CCDC7: variants seen among roughly 807,000 people sequenced by gnomAD.
CCDC7 encodes coiled-coil domain-containing protein 7.
A neutral mutation model predicts 196.9 loss-of-function variants in CCDC7; 183 were observed. The observed-to-expected ratio is 0.93, with a 90% CI of 0.82 to 1.05. The LOEUF is 1.05. CCDC7 is among the 50% of genes least tolerant of loss of function. The pLI, the probability that CCDC7 is intolerant of heterozygous loss-of-function variation, is 0.00. For missense variants in CCDC7, 1,540 were observed against 1,482.2 expected, an observed-to-expected ratio of 1.04 and a Z score of -0.64; for synonymous variants, 525 against 484.6, an observed-to-expected ratio of 1.08 and a Z score of -1.10.
chr10:32,785,753 T>C (rs1379605077), intron 29 of CCDC7, among the ~76,000 whole-genome samples: 1 of 152,188 alleles, frequency 6.6e-6, no homozygotes, highest in Non-Finnish European at 1.5e-5. Context: ...AGGTGGCATT[T>C]GTAGTGGCAT....
intron 28 of CCDC7, among the ~76,000 whole-genome samples, chr10:32,763,946 C>G (rs752525076): frequency 2.6e-5 from 4 of 151,628 alleles, no homozygotes; most frequent in Admixed American, 6.6e-5. Context: ...TTGAAAATTG[C>G]TAAGAGAGTA....
intron 28 of CCDC7, among the ~76,000 whole-genome samples, chr10:32,745,123 A>G (rs1009433838): frequency 6.6e-6 from 1 of 152,150 alleles, no homozygotes; most frequent in African/African-American, 2.4e-5. Context: ...AAATTGGTTG[A>G]CCATATTTGT....
intron 18 of CCDC7, among the ~76,000 whole-genome samples, chr10:32,610,688 CTG>C (rs993966005): frequency 1.1e-3 from 172 of 152,176 alleles, no homozygotes; most frequent in African/African-American, 4.0e-3. Flanking sequence ...TTTTCTGTTC[CTG>C]TGTTAGGTTG....
At chr10:32,875,276 T>A (rs1467092833) in intron 41 of CCDC7, among the ~76,000 whole-genome samples, 2 of 152,192 alleles carry the variant, frequency 1.3e-5, no homozygotes, top group African/African-American at 4.8e-5. Context: ...GATTTTACAT[T>A]TAAGTCTTTA....
intron 20 of CCDC7, among the ~76,000 whole-genome samples, chr10:32,651,202 A>G (rs2068695538): frequency 6.6e-6 from 1 of 152,114 alleles, no homozygotes; most frequent in Non-Finnish European, 1.5e-5. Flanking sequence ...AGGATCTCAG[A>G]GGTTTGCAGT....
intron 13 of CCDC7, among the ~76,000 whole-genome samples, chr10:32,556,773 A>T (rs187834371): frequency 6.6e-6 from 1 of 152,342 alleles, no homozygotes; most frequent in Non-Finnish European, 1.5e-5. Context: ...ATCCTAATTT[A>T]GGGTTCTAAT....
At chr10:32,808,049 C>T (rs1020619988) in intron 30 of CCDC7, among the ~76,000 whole-genome samples, 5 of 152,094 alleles carry the variant, frequency 3.3e-5, no homozygotes, top group Admixed American at 6.5e-5. Context: ...TCCTACCCAG[C>T]GGCAGGACCA....
intron 31 of CCDC7, 73 bp downstream of exon 32, chr10:32,814,526 T>A: frequency 9.3e-6 from 10 of 1,070,780 alleles, no homozygotes; most frequent in South Asian, 3.9e-5. Context: ...TAAGTGTGCA[T>A]CTTTAAGGAG....
chr10:32,544,322 A>G (rs2136173786), intron 13 of CCDC7, 21 bp downstream of exon 14: 2 of 1,595,976 alleles, frequency 1.3e-6, no homozygotes, highest in East Asian at 2.2e-5. Context: ...CACTCTCTCT[A>G]TGCATCAATA....
chr10:32,450,541 T>A (rs2133323257), upstream of CCDC7, among the ~76,000 whole-genome samples: 1 of 152,284 alleles, frequency 6.6e-6, no homozygotes, highest in East Asian at 1.9e-4. Context: ...ATTTTGCCAT[T>A]GTACCTGACA....
chr10:32,456,178 A>G, intron 2 of CCDC7, 73 bp from the exon 4 acceptor site: 1 of 1,323,488 alleles, frequency 7.6e-7, no homozygotes, highest in East Asian at 2.7e-5. Flanking sequence ...CAAAAAGTAA[A>G]TATGCTAGAA....
At chr10:32,525,080 CTCTG>C (rs1292671101) in intron 11 of CCDC7, among the ~76,000 whole-genome samples, 1 of 150,758 alleles carries the variant, frequency 6.6e-6, no homozygotes, top group Non-Finnish European at 1.5e-5. Context: ...CTTTTGTCTC[CTCTG>C]TCTGTGTATT....
At chr10:32,577,890 C>T (rs2058376670) in intron 16 of CCDC7, among the ~76,000 whole-genome samples, 1 of 152,170 alleles carries the variant, frequency 6.6e-6, no homozygotes. Context: ...GAAAAGTCTG[C>T]CCCATTAGGG....
At chr10:32,849,209 C>G (rs975230744) in intron 39 of CCDC7, among the ~76,000 whole-genome samples, 3 of 151,294 alleles carry the variant, frequency 2.0e-5, no homozygotes, top group Non-Finnish European at 4.4e-5. Context: ...TGTTTTACTA[C>G]TCCATATCTA....
chr10:32,862,543 A>T (rs2094038933), intron 41 of CCDC7, among the ~76,000 whole-genome samples: 1 of 151,022 alleles, frequency 6.6e-6, no homozygotes, highest in African/African-American at 2.4e-5. Context: ...TGTACCCCAG[A>T]ACTTAAGGTA....
At chr10:32,742,856 G>T (rs746956468) in intron 28 of CCDC7, among the ~76,000 whole-genome samples, 2 of 152,132 alleles carry the variant, frequency 1.3e-5, no homozygotes, top group African/African-American at 4.8e-5. Context: ...CTCCGTGAGG[G>T]CATATGTCCA....
intron 18 of CCDC7, among the ~76,000 whole-genome samples, chr10:32,585,194 C>T (rs1429628736): frequency 1.3e-5 from 2 of 152,036 alleles, no homozygotes; most frequent in Admixed American, 6.6e-5. Flanking sequence ...CTGCCTCAGC[C>T]TCCCGAGTAG....
At chr10:32,809,390 A>G (rs1255545250) in intron 30 of CCDC7, among the ~76,000 whole-genome samples, 1 of 152,202 alleles carries the variant, frequency 6.6e-6, no homozygotes, top group East Asian at 1.9e-4. Flanking sequence ...TATCATTAAG[A>G]AAAGAACCAA....
intron 18 of CCDC7, among the ~76,000 whole-genome samples, chr10:32,615,893 A>C (rs1298452987): frequency 6.6e-6 from 1 of 152,074 alleles, no homozygotes; most frequent in Non-Finnish European, 1.5e-5. Flanking sequence ...GTATATAACA[A>C]TCCAATTTTC....
Sources: gnomAD v4.1 joint callset for allele counts (sites outside exome capture counted in the v4.1 genomes callset) on GRCh38, gnomAD v4.1.1 for gene constraint, MANE v1.5 for transcripts, NCBI Gene and HGNC (gene_info 2026-07-23, HGNC 2026-07-21) for gene names.